RASGRF2: variants seen among roughly 807,000 people sequenced by gnomAD.
The protein encoded by RASGRF2 is ras-specific guanine nucleotide-releasing factor 2.
RASGRF2 carries 76 observed loss-of-function variants against 151.0 expected under a neutral mutation model. The ratio of observed to expected loss-of-function variants is 0.50; its 90% confidence interval spans 0.42 to 0.61. RASGRF2 has a LOEUF of 0.61. RASGRF2 is among the 20% of genes least tolerant of loss of function. The pLI, the probability that RASGRF2 is intolerant of heterozygous loss-of-function variation, is 0.00. For missense variants in RASGRF2, 1,148 were observed against 1,564.6 expected (o/e 0.73, Z 4.49); for synonymous variants, 504 against 566.5 (o/e 0.89, Z 1.57).
chr5:81,073,391 G>A lies in RASGRF2; in HGVS notation c.826G>A (p.Ala276Thr). 6.2e-7 allele frequency: 1 copy of A among 1,614,124 alleles called. No individual in the cohort carries two copies. Among genetic ancestry groups the A allele is most frequent in the Non-Finnish European group, 8.5e-7 (1 of 1,180,032 alleles). Residue 276 changes from alanine (A) to threonine (T), a missense_variant, in exon 5 of 27, where the codon GCC becomes ACC. Physicochemically the swap from Ala to Thr is moderately conservative, Grantham distance 58 (BLOSUM62 0). Transcript: ENST00000265080. ...VNGFLRPLRM[A>T]ASSKKPPISH... ...TGGCTTTCTCCGGCCCCTGCGTATG[G>A]CCGCCAGCTCCAAGAAGCCCCCCAT...
At chr5:81,036,265 T>C (rs1750489475) in intron 1 of RASGRF2, among the ~76,000 whole-genome samples, 1 of 152,144 alleles carries the variant, frequency 6.6e-6, no homozygotes, top group South Asian at 2.1e-4. Flanking sequence ...ATCGTTATAG[T>C]CATTGCAGAT....
intron 18 of RASGRF2, among the ~76,000 whole-genome samples, chr5:81,196,722 C>T (rs1383276471): frequency 3.4e-5 from 5 of 148,164 alleles, no homozygotes; most frequent in Non-Finnish European, 7.4e-5. Context: ...TAAACAGTAA[C>T]CTGATATCCT....
intron 5 of RASGRF2, among the ~76,000 whole-genome samples, 177 bp downstream of exon 5, chr5:81,073,629 T>A (rs1173276122): frequency 2.0e-5 from 3 of 151,610 alleles, no homozygotes; most frequent in East Asian, 1.9e-4. Context: ...TATTTATTTA[T>A]TTTTTTTGAG....
intron 17 of RASGRF2, among the ~76,000 whole-genome samples, chr5:81,179,538 G>C (rs1422147785): frequency 6.6e-6 from 1 of 152,116 alleles, no homozygotes; most frequent in Non-Finnish European, 1.5e-5. Context: ...TTCTTATGGG[G>C]TACAATGTGA....
At chr5:81,147,591 G>A (rs970424686) in intron 17 of RASGRF2, among the ~76,000 whole-genome samples, 1 of 152,208 alleles carries the variant, frequency 6.6e-6, no homozygotes, top group Non-Finnish European at 1.5e-5. Flanking sequence ...GTGCTCTTAT[G>A]TGTGTGTTTT....
At chr5:81,198,217 G>C (rs1167660468) in intron 18 of RASGRF2, among the ~76,000 whole-genome samples, 1 of 152,028 alleles carries the variant, frequency 6.6e-6, no homozygotes, top group Non-Finnish European at 1.5e-5. Flanking sequence ...TCATCACCCA[G>C]ATAGTGAATA....
chr5:81,111,670 G>C (rs1752996452), intron 13 of RASGRF2, among the ~76,000 whole-genome samples: 1 of 152,144 alleles, frequency 6.6e-6, no homozygotes, highest in African/African-American at 2.4e-5. Flanking sequence ...GAAAAAGAAT[G>C]AGAGACTAAA....
intron 1 of RASGRF2, among the ~76,000 whole-genome samples, chr5:81,035,887 A>G (rs1476711526): frequency 6.6e-6 from 1 of 152,192 alleles, no homozygotes; most frequent in Non-Finnish European, 1.5e-5. Context: ...CTGAGAACTC[A>G]AGCACTGAAT....
At chr5:81,079,912 T>A (rs1326334248) in intron 5 of RASGRF2, among the ~76,000 whole-genome samples, 1 of 152,200 alleles carries the variant, frequency 6.6e-6, no homozygotes, top group Non-Finnish European at 1.5e-5. Flanking sequence ...CTTTCTGTCC[T>A]CTAATATTTG....
intron 17 of RASGRF2, among the ~76,000 whole-genome samples, chr5:81,132,653 C>T (rs1350120539): frequency 1.3e-5 from 2 of 152,154 alleles, no homozygotes; most frequent in Non-Finnish European, 2.9e-5. Context: ...TAAATGTTTG[C>T]TGCCAATCAG....
At chr5:81,082,862 C>A (rs1344520570) in intron 7 of RASGRF2, among the ~76,000 whole-genome samples, 1 of 152,208 alleles carries the variant, frequency 6.6e-6, no homozygotes, top group Non-Finnish European at 1.5e-5. Flanking sequence ...ACTGAAAGAG[C>A]ACAGAATTGT....
rs1289570285 is a variant in RASGRF2, at chr5:81,227,164, A to G, written c.*1394A>G. The G allele has an allele frequency of 6.6e-6, 1 of 152,230 alleles. No individual in the cohort carries two copies. Among genetic ancestry groups the G allele is most frequent in the Non-Finnish European group, 1.5e-5 (1 of 68,040 alleles). The allele number at this position is 152,230 out of a possible 1,614,324, so 9.4% of individuals were successfully genotyped here. A position where few individuals can be genotyped will look rare whatever the true frequency, so the allele number is the denominator to read the frequency against. On this transcript the variant is annotated 3_prime_UTR_variant, in exon 27 of 27. Transcript: ENST00000265080. ...TATTGATGCTGACAATGAAAAATGG[A>G]TCTGTCTGGCTGCTTTCCCTCTTTC...
intron 1 of RASGRF2, among the ~76,000 whole-genome samples, chr5:81,042,171 C>T (rs901391857): frequency 6.6e-6 from 1 of 152,082 alleles, no homozygotes; most frequent in Non-Finnish European, 1.5e-5. Flanking sequence ...CTGATAAATG[C>T]CAGTTTTTTC....
intron 2 of RASGRF2, among the ~76,000 whole-genome samples, chr5:81,050,662 G>T (rs1010895452): frequency 2.6e-5 from 4 of 152,140 alleles, no homozygotes; most frequent in African/African-American, 7.2e-5. Context: ...TTTCAGGATG[G>T]AGCTCTTAGC....
intron 1 of RASGRF2, among the ~76,000 whole-genome samples, chr5:81,017,487 ATTGAGG>A (rs1466222806): frequency 2.6e-5 from 4 of 152,236 alleles, no homozygotes; most frequent in African/African-American, 9.6e-5. Flanking sequence ...AGGCCTCTGA[ATTGAGG>A]TTTAAAGGGA....
chr5:81,087,466 T>C, intron 9 of RASGRF2: 3 of 631,766 alleles, frequency 4.7e-6, no homozygotes, highest in Non-Finnish European at 2.9e-6. Context: ...AGATGAAATG[T>C]CTCTGATGGA....
intron 2 of RASGRF2, among the ~76,000 whole-genome samples, chr5:81,061,471 A>G (rs1295411948): frequency 6.6e-6 from 1 of 150,918 alleles, no homozygotes; most frequent in Non-Finnish European, 1.5e-5. Context: ...AATCTTAACC[A>G]GTTTTGGTAA....
chr5:81,101,660 A>G lies in RASGRF2; in HGVS notation c.1755+6668A>G, dbSNP rs183669042. On this transcript the variant is annotated intron_variant, in intron 12 of 26. Coordinates refer to ENST00000265080, the MANE Select transcript of RASGRF2 (RefSeq NM_006909.3). ...TGTCTCTCTCTCTCTCCATCCATGCATCTATCCATCCATCCATCTCATGGA... is the reference window on the plus strand; with the variant it reads ...TGTCTCTCTCTCTCTCCATCCATGCGTCTATCCATCCATCCATCTCATGGA... Among the ~76,000 whole-genome samples, 556 of 152,148 alleles carry G rather than the reference A, an allele frequency of 3.7e-3. 7 individuals are homozygous for G. The highest frequency in any genetic ancestry group is 0.012 in the African/African-American group (518 of 41,516).
chr5:81,105,411 C>T (rs1284911621), intron 12 of RASGRF2, among the ~76,000 whole-genome samples: 3 of 152,114 alleles, frequency 2.0e-5, no homozygotes, highest in Non-Finnish European at 4.4e-5. Context: ...AGCGCCCGTC[C>T]CCACCTTGTC....
Sources: allele counts gnomAD v4.1 joint callset (sites outside exome capture counted in the v4.1 genomes callset), GRCh38; gene constraint gnomAD v4.1.1; transcripts MANE v1.5; gene names NCBI Gene and HGNC (gene_info 2026-07-23, HGNC 2026-07-21).